Variants in MIER1 observed in about 807,000 individuals in gnomAD.
The protein encoded by MIER1 is MIER1 transcriptional regulator, also known as mesoderm induction early response protein 1.
MIER1 carries 40 observed loss-of-function variants against 75.7 expected under a neutral mutation model. The ratio of observed to expected loss-of-function variants is 0.53; its 90% CI spans 0.41 to 0.69. MIER1 has a LOEUF of 0.69. MIER1 is among the 30% of genes least tolerant of loss of function. The pLI, the probability that MIER1 is intolerant of heterozygous loss-of-function variation, is 0.00. For missense variants in MIER1, 574 were observed against 680.2 expected (o/e 0.84, Z 1.74); for synonymous variants, 213 against 223.4 (o/e 0.95, Z 0.42).
At chr1:66,966,316 G>A (rs1331654964) in intron 8 of MIER1, among the ~76,000 whole-genome samples, 1 of 152,140 alleles carries the variant, frequency 6.6e-6, no homozygotes, top group Non-Finnish European at 1.5e-5. Context: ...ATAGTTTGCT[G>A]AGAATGATGG....
At position 66,988,223 on chromosome 1, in the gene MIER1, T is replaced by C. The variant is rs1156625307; in HGVS notation, c.*3323T>C. ...CATGTAACATACAGAAGAACAGGAGTTTCCAAATTTTAACCTTTTATTCTA... is the reference window on the plus strand; with the variant it reads ...CATGTAACATACAGAAGAACAGGAGCTTCCAAATTTTAACCTTTTATTCTA... On this transcript the variant is annotated 3_prime_UTR_variant, in exon 14 of 14. Transcript: ENST00000401041. The C allele has an allele frequency of 1.3e-5, 2 of 151,766 alleles. No individual in the cohort carries two copies. The highest frequency in any genetic ancestry group is 4.8e-5 in the African/African-American group (2 of 41,244). 9.4% of individuals were successfully genotyped at this position (151,766 alleles called of 1,614,324 possible).
At chr1:66,972,825 T>C (rs921977092) in intron 10 of MIER1, 72 bp from the exon 11 acceptor site, 1 of 775,046 alleles carries the variant, frequency 1.3e-6, no homozygotes, top group Non-Finnish European at 2.2e-6. Flanking sequence ...GGTTAAGTTT[T>C]CATTTGTAAT....
chr1:66,972,646 G>C (rs1663935900), intron 10 of MIER1, among the ~76,000 whole-genome samples: 1 of 152,034 alleles, frequency 6.6e-6, no homozygotes, highest in Non-Finnish European at 1.5e-5. Flanking sequence ...AGGTGGCTGA[G>C]ATAGTTTGAT....
At chr1:66,954,857 C>A (rs958333446) in intron 4 of MIER1, among the ~76,000 whole-genome samples, 25 of 152,070 alleles carry the variant, frequency 1.6e-4, no homozygotes, top group Admixed American at 1.5e-3. Flanking sequence ...CAGGTGTGCA[C>A]CACCATGCCT....
intron 4 of MIER1, among the ~76,000 whole-genome samples, chr1:66,950,664 G>A (rs1658708228): frequency 6.6e-6 from 1 of 151,402 alleles, no homozygotes; most frequent in East Asian, 1.9e-4. Flanking sequence ...ATTAAAATGT[G>A]TGATTAAAAT....
chr1:66,944,323 A>T (rs1656961771), intron 3 of MIER1, among the ~76,000 whole-genome samples: 1 of 151,846 alleles, frequency 6.6e-6, no homozygotes, highest in South Asian at 2.1e-4. Flanking sequence ...TAATTTTTTC[A>T]ATGTTCAGTA....
intron 4 of MIER1, 90 bp downstream of exon 4, chr1:66,946,385 GA>G (rs1163390481): frequency 6.9e-7 from 1 of 1,458,218 alleles, no homozygotes; most frequent in Non-Finnish European, 9.0e-7. Flanking sequence ...GATTAGGAGA[GA>G]AATTGTGTTA....
intron 13 of MIER1, 78 bp downstream of exon 13, chr1:66,981,996 G>C: frequency 6.7e-7 from 1 of 1,500,760 alleles, no homozygotes; most frequent in Non-Finnish European, 9.2e-7. Flanking sequence ...ATTCCGTTTG[G>C]GTTTCTATTA....
At chr1:66,957,685 A>G (rs575328342) in intron 4 of MIER1, among the ~76,000 whole-genome samples, 16 of 103,884 alleles carry the variant, frequency 1.5e-4, no homozygotes, top group African/African-American at 5.7e-4. Context: ...TCATTGTTCT[A>G]TTTCTCCACC....
At position 66,987,702 on chromosome 1, in the gene MIER1, G is replaced by GATTAATTCACTAAGATTTT. The variant is rs1666951714; in HGVS notation, c.*2807_*2825dup. 7.2e-6 allele frequency: 1 copy of GATTAATTCACTAAGATTTT among 138,834 alleles called. No individual in the cohort carries two copies. The highest frequency in any genetic ancestry group is 2.2e-4 in the South Asian group (1 of 4,450). 8.6% of individuals were successfully genotyped at this position (138,834 alleles called of 1,614,324 possible). A position where few individuals can be genotyped will look rare whatever the true frequency, so the allele number is the denominator to read the frequency against. ...TAATACTGTGTGAATATTTTCATTAGATTAATTCACTAAGATTTTATTAGA... is the reference window on the plus strand; with the variant it reads ...TAATACTGTGTGAATATTTTCATTAGATTAATTCACTAAGATTTTATTAATTCACTAAGATTTTATTAGA... On this transcript the variant is annotated 3_prime_UTR_variant, in exon 14 of 14. Coordinates refer to ENST00000401041, the MANE Select transcript of MIER1 (RefSeq NM_001077700.3).
intron 4 of MIER1, 120 bp downstream of exon 4, chr1:66,946,415 A>G: frequency 7.1e-7 from 1 of 1,399,578 alleles, no homozygotes; most frequent in Non-Finnish European, 9.3e-7. Context: ...TGACTGAAAA[A>G]TTTTGTGTGA....
At chr1:66,965,433 G>T (rs1337505871) in intron 8 of MIER1, among the ~76,000 whole-genome samples, 1 of 151,754 alleles carries the variant, frequency 6.6e-6, no homozygotes, top group African/African-American at 2.4e-5. Flanking sequence ...TTTTATTGCA[G>T]TATACTTTGT....
chr1:66,963,188 G>T, intron 8 of MIER1, 28 bp downstream of exon 8: 1 of 1,360,228 alleles, frequency 7.4e-7, no homozygotes, highest in Non-Finnish European at 1.1e-6. Flanking sequence ...TTACGTAGCT[G>T]AATTTATGCT....
chr1:66,970,715 AT>A (rs1230203915), intron 8 of MIER1, 92 bp from the exon 9 acceptor site: 5 of 943,862 alleles, frequency 5.3e-6, no homozygotes, highest in Non-Finnish European at 7.7e-6. Context: ...AGTTCTCAAC[AT>A]TTGGCTCTGA....
At chr1:66,949,297 A>G (rs986045554) in intron 4 of MIER1, among the ~76,000 whole-genome samples, 1 of 152,140 alleles carries the variant, frequency 6.6e-6, no homozygotes, top group African/African-American at 2.4e-5. Context: ...TGAGATATTT[A>G]TTACATTTAA....
chr1:66,932,061 T>A (rs1238851909), intron 2 of MIER1, among the ~76,000 whole-genome samples: 5 of 152,190 alleles, frequency 3.3e-5, no homozygotes, highest in African/African-American at 7.2e-5. Flanking sequence ...TCTGTGTTTT[T>A]AAAAAATAAA....
In MIER1 at chr1:66,946,308, T is replaced by TAG. The variant is rs762825149; in HGVS notation, c.339+16_339+17dup. 5.0e-6 allele frequency: 8 copies of TAG among 1,594,684 alleles called. No individual in the cohort carries two copies. The African/African-American group carries it at 1.1e-4, about 22-fold the overall frequency. ...AGATCTTGCAAGGGTAAATAACATG[T>TAG]AGAGCTAGGGTATGAATTGGTTATG... On this transcript the variant is annotated intron_variant, in intron 4 of 13. Transcript: ENST00000401041.
At position 66,970,796 on chromosome 1, in the gene MIER1, T is replaced by G; in HGVS notation, c.773-12T>G. ...TTAGAAATTTGTTTAACATTGTCTT[T>G]TACTAATTTAGTATATGAAAATGAT... On this transcript the variant is annotated splice_polypyrimidine_tract_variant and intron_variant, in intron 8 of 13. Transcript: ENST00000401041. 6.5e-7 allele frequency: 1 copy of G among 1,528,942 alleles called. No homozygotes were observed. The highest frequency in any genetic ancestry group is 1.4e-5 in the African/African-American group (1 of 70,592). The allele number at this position is 1,528,942 out of a possible 1,614,324, so 94.7% of individuals were successfully genotyped here.
chr1:66,930,275 C>T (rs1652810602), intron 2 of MIER1: 1 of 1,523,612 alleles, frequency 6.6e-7, no homozygotes, highest in Non-Finnish European at 8.8e-7. Flanking sequence ...GAGGCAGTGG[C>T]GGCGGGAGCG....
Sources: gnomAD v4.1 joint callset for allele counts (sites outside exome capture counted in the v4.1 genomes callset) on GRCh38, gnomAD v4.1.1 for gene constraint, MANE v1.5 for transcripts, NCBI Gene and HGNC (gene_info 2026-07-23, HGNC 2026-07-21) for gene names.